Variants in CNTNAP5 observed in about 807,000 individuals in gnomAD.
The protein encoded by CNTNAP5 is contactin-associated protein-like 5.
In CNTNAP5, 72 loss-of-function variants were observed where a neutral mutation model predicts 150.2. The observed-to-expected ratio is 0.48, with a 90% CI of 0.40 to 0.58. CNTNAP5 has a LOEUF of 0.58. Among genes scored for constraint, CNTNAP5 ranks in the 20% least tolerant of loss-of-function variants. The pLI is 0.00. For synonymous variants in CNTNAP5, 672 were observed against 619.8 expected, an observed-to-expected ratio of 1.08 and a Z score of -1.25; for missense variants, 1,636 against 1,626.2, an observed-to-expected ratio of 1.01 and a Z score of -0.10.
At chr2:124,600,731 C>CAGAG (rs374118230) in intron 11 of CNTNAP5, among the ~76,000 whole-genome samples, 2,096 of 124,060 alleles carry the variant, frequency 0.017, 33 homozygotes, top group African/African-American at 0.032. Context: ...CAACAATACT[C>CAGAG]AGAGAGAGAG....
chr2:124,086,759 A>T (rs1024559996), intron 1 of CNTNAP5, among the ~76,000 whole-genome samples: 2 of 151,590 alleles, frequency 1.3e-5, no homozygotes, highest in African/African-American at 2.4e-5. Context: ...TTATAATCCT[A>T]TCTGATAATC....
At position 124,696,901 on chromosome 2, in the gene CNTNAP5, G is replaced by A. The variant is rs1679417170; in HGVS notation, c.2077+48943G>A. On this transcript the variant is annotated intron_variant, in intron 13 of 23. Transcript: ENST00000682447. Reference sequence around the variant, plus strand: ...ATAGCTAGTGTATCACTTATGGATTGGGGCTTTTATTTCTCTTTTTAAATT... The same window carrying A: ...ATAGCTAGTGTATCACTTATGGATTAGGGCTTTTATTTCTCTTTTTAAATT... Among the ~76,000 whole-genome samples, 3 of 152,030 alleles carry A rather than the reference G, an allele frequency of 2.0e-5. No individual in the cohort carries two copies. The South Asian group carries it at 6.2e-4, about 32-fold the overall frequency.
intron 13 of CNTNAP5, among the ~76,000 whole-genome samples, chr2:124,672,214 T>C (rs903036975): frequency 6.6e-6 from 1 of 152,102 alleles, no homozygotes; most frequent in Non-Finnish European, 1.5e-5. Flanking sequence ...ACTGTCCTAA[T>C]CTTACAAGGA....
chr2:124,074,640 G>A (rs1682393208), intron 1 of CNTNAP5, among the ~76,000 whole-genome samples: 1 of 152,036 alleles, frequency 6.6e-6, no homozygotes, highest in Non-Finnish European at 1.5e-5. Flanking sequence ...CAGTGTCATG[G>A]GTATTGACTC....
intron 13 of CNTNAP5, among the ~76,000 whole-genome samples, chr2:124,732,846 T>C (rs1680299778): frequency 6.6e-6 from 1 of 152,148 alleles, no homozygotes; most frequent in Non-Finnish European, 1.5e-5. Flanking sequence ...TCACCCTTTG[T>C]GACATGTTTT....
At chr2:124,713,768 G>T (rs1252370304) in intron 13 of CNTNAP5, among the ~76,000 whole-genome samples, 1 of 152,064 alleles carries the variant, frequency 6.6e-6, no homozygotes, top group East Asian at 1.9e-4. Context: ...TTCCAAAACA[G>T]AAACCTGATC....
At chr2:124,565,045 C>G (rs1695984513) in intron 11 of CNTNAP5, among the ~76,000 whole-genome samples, 1 of 152,098 alleles carries the variant, frequency 6.6e-6, no homozygotes, top group Admixed American at 6.6e-5. Flanking sequence ...GGCTGGAACC[C>G]TGGGATTCCA....
At position 124,672,382 on chromosome 2, in the gene CNTNAP5, G is replaced by GA. The variant is rs558935613; in HGVS notation, c.2077+24430dup. Among the ~76,000 whole-genome samples, 269 of 152,204 alleles carry GA rather than the reference G, an allele frequency of 1.8e-3. 1 individual carries two copies. Among genetic ancestry groups the GA allele is most frequent in the African/African-American group, 6.2e-3 (259 of 41,538 alleles). ...AAGACACAGGTTAGCTCATAACAGT[G>GA]AAAAAATATGCAGGAGGAAATTTTT... On this transcript the variant is annotated intron_variant, in intron 13 of 23. Transcript: ENST00000682447.
At chr2:124,641,393 T>C (rs1192308267) in intron 12 of CNTNAP5, among the ~76,000 whole-genome samples, 1 of 152,092 alleles carries the variant, frequency 6.6e-6, no homozygotes, top group Non-Finnish European at 1.5e-5. Context: ...CACATCTGCC[T>C]CCATGAACCA....
intron 1 of CNTNAP5, among the ~76,000 whole-genome samples, chr2:124,180,035 A>C (rs1174979592): frequency 6.6e-6 from 1 of 152,226 alleles, no homozygotes; most frequent in Non-Finnish European, 1.5e-5. Flanking sequence ...AAGAGATGAA[A>C]AGATGTGATT....
intron 3 of CNTNAP5, among the ~76,000 whole-genome samples, chr2:124,384,803 C>T (rs187731397): frequency 2.6e-5 from 4 of 152,270 alleles, no homozygotes; most frequent in East Asian, 1.9e-4. Flanking sequence ...CGTTCTAACC[C>T]GCAAAGTGAA....
chr2:124,816,865 A>T (rs1430548145), intron 19 of CNTNAP5, among the ~76,000 whole-genome samples: 2 of 152,194 alleles, frequency 1.3e-5, no homozygotes, highest in Non-Finnish European at 2.9e-5. Flanking sequence ...AGGATATTCT[A>T]TCACTTTTGC....
chr2:124,855,167 CTTTTTTTTTTTTTTTT>C (rs70999224), intron 19 of CNTNAP5, among the ~76,000 whole-genome samples: 1,127 of 71,572 alleles, frequency 0.016, 34 homozygotes, highest in African/African-American at 0.043. Flanking sequence ...TGGGCTTTTG[CTTTTTTTTTTTTTTTT>C]TTTTTTTTTT....
chr2:124,391,099 T>G (rs1691098460), intron 3 of CNTNAP5, among the ~76,000 whole-genome samples: 1 of 152,174 alleles, frequency 6.6e-6, no homozygotes, highest in Admixed American at 6.5e-5. Flanking sequence ...TCGTTTGAAC[T>G]CCATGGATCT....
chr2:124,590,357 C>T (rs1052716665), intron 11 of CNTNAP5, among the ~76,000 whole-genome samples: 2 of 152,150 alleles, frequency 1.3e-5, no homozygotes, highest in African/African-American at 2.4e-5. Flanking sequence ...GAAAATGTTA[C>T]AGAACCTATG....
chr2:124,468,224 G>T (rs1693427052), intron 6 of CNTNAP5, among the ~76,000 whole-genome samples: 1 of 152,096 alleles, frequency 6.6e-6, no homozygotes, highest in African/African-American at 2.4e-5. Context: ...ACAATCACAA[G>T]GTGAAGCCCC....
At chr2:124,135,659 C>T (rs550140431) in intron 1 of CNTNAP5, among the ~76,000 whole-genome samples, 41 of 152,334 alleles carry the variant, frequency 2.7e-4, no homozygotes, top group Non-Finnish European at 5.1e-4. Flanking sequence ...GCTATTTCCA[C>T]TCCTATTCCT....
intron 19 of CNTNAP5, among the ~76,000 whole-genome samples, chr2:124,809,396 T>G (rs1231648601): frequency 6.7e-6 from 1 of 150,096 alleles, no homozygotes; most frequent in Non-Finnish European, 1.5e-5. Flanking sequence ...ATTTATTTAT[T>G]TATTTATTTA....
chr2:124,893,373 C>T (rs958010180), intron 21 of CNTNAP5, among the ~76,000 whole-genome samples: 1 of 152,132 alleles, frequency 6.6e-6, no homozygotes, highest in East Asian at 1.9e-4. Context: ...TTACTCAGTA[C>T]AGCAGGATGG....
Sources: gnomAD v4.1 joint callset for allele counts (sites outside exome capture counted in the v4.1 genomes callset) on GRCh38, gnomAD v4.1.1 for gene constraint, MANE v1.5 for transcripts, NCBI Gene and HGNC (gene_info 2026-07-23, HGNC 2026-07-21) for gene names.